Variants in LRGUK observed in about 807,000 individuals in gnomAD.
The protein encoded by LRGUK is leucine-rich repeat and guanylate kinase domain-containing protein.
In LRGUK, 65 loss-of-function variants were observed where a neutral mutation model predicts 76.0. That is an observed-to-expected ratio of 0.85 (90% CI 0.70 to 1.05). LRGUK has a LOEUF of 1.05. LRGUK is among the 50% of genes least tolerant of loss of function. LRGUK has a pLI of 0.00. For missense variants in LRGUK, 758 were observed against 732.8 expected, an observed-to-expected ratio of 1.03 and a Z score of -0.40; for synonymous variants, 268 against 265.6, an observed-to-expected ratio of 1.01 and a Z score of -0.09.
At chr7:134,149,362 G>T (rs1284308266) in intron 5 of LRGUK, among the ~76,000 whole-genome samples, 2 of 152,150 alleles carry the variant, frequency 1.3e-5, no homozygotes, top group Non-Finnish European at 2.9e-5. Flanking sequence ...TGAGGATTTT[G>T]GGAGACAGAA....
At chr7:134,248,974 C>A in exon 18 of LRGUK, 2 of 1,556,898 alleles carry the variant, frequency 1.3e-6, no homozygotes, top group South Asian at 1.3e-5. Context: ...GCACCTCTCA[C>A]CAGTGGTCTA....
chr7:134,244,743 C>T (rs1236472712), intron 16 of LRGUK, among the ~76,000 whole-genome samples: 1 of 152,182 alleles, frequency 6.6e-6, no homozygotes, highest in Non-Finnish European at 1.5e-5. Flanking sequence ...GCTATAAAGA[C>T]ACATGCACAC....
chr7:134,143,499 G>A (rs1797853647), intron 4 of LRGUK, among the ~76,000 whole-genome samples: 1 of 151,636 alleles, frequency 6.6e-6, no homozygotes, highest in Admixed American at 6.6e-5. Context: ...ATATTACTTG[G>A]TACATTTTAT....
chr7:134,251,679 A>T (rs1802450376), intron 18 of LRGUK, among the ~76,000 whole-genome samples: 1 of 152,202 alleles, frequency 6.6e-6, no homozygotes, highest in Non-Finnish European at 1.5e-5. Context: ...TATGCACTAT[A>T]TCTTTATCAC....
intron 12 of LRGUK, among the ~76,000 whole-genome samples, chr7:134,192,956 TCCCACCCC>T (rs1264794510): frequency 6.6e-6 from 1 of 152,178 alleles, no homozygotes; most frequent in Non-Finnish European, 1.5e-5. Context: ...CTTCCTCTGT[TCCCACCCC>T]CCAAATAATG....
At chr7:134,252,124 AG>A (rs1208110220) in intron 18 of LRGUK, among the ~76,000 whole-genome samples, 4 of 151,818 alleles carry the variant, frequency 2.6e-5, no homozygotes, top group Non-Finnish European at 2.9e-5. Flanking sequence ...GGATCATTTG[AG>A]CCCAGGAGTT....
At chr7:134,190,948 T>TTCTGGGGATAGACAGTAGATGAGC (rs1554467160) in intron 11 of LRGUK, among the ~76,000 whole-genome samples, 1 of 41,742 alleles carries the variant, frequency 2.4e-5, no homozygotes, top group Non-Finnish European at 5.9e-5. Context: ...TTGAGCGGTG[T>TTCTGGGGATAGACAGTAGATGAGC]GGTGGGATGG....
At chr7:134,231,584 C>G (rs572641880) in intron 16 of LRGUK, among the ~76,000 whole-genome samples, 1 of 134,288 alleles carries the variant, frequency 7.4e-6, no homozygotes, top group Non-Finnish European at 1.6e-5. Flanking sequence ...CCCGTTCTCC[C>G]TCCCTTCCTC....
At chr7:134,175,393 T>C (rs1799438915) in intron 8 of LRGUK, among the ~76,000 whole-genome samples, 1 of 152,072 alleles carries the variant, frequency 6.6e-6, no homozygotes, top group East Asian at 1.9e-4. Context: ...AAACAGAAAA[T>C]ACAAGAAAGA....
At chr7:134,264,080 AC>A in exon 20 of LRGUK, 1 of 1,140,998 alleles carries the variant, frequency 8.8e-7, no homozygotes, top group African/African-American at 1.6e-5. Context: ...TCAACCCATT[AC>A]CCACGGAAGA....
intron 1 of LRGUK, among the ~76,000 whole-genome samples, chr7:134,134,494 G>A (rs1015496497): frequency 6.6e-6 from 1 of 152,172 alleles, no homozygotes; most frequent in Non-Finnish European, 1.5e-5. Context: ...CAAATGTCAG[G>A]AACATCAGGA....
chr7:134,149,311 C>T (rs1283984759), intron 5 of LRGUK, among the ~76,000 whole-genome samples: 2 of 152,008 alleles, frequency 1.3e-5, no homozygotes, highest in Non-Finnish European at 2.9e-5. Flanking sequence ...AGCAGGGGAG[C>T]CAGTACCTTC....
intron 11 of LRGUK, among the ~76,000 whole-genome samples, chr7:134,190,436 G>C (rs551033270): frequency 1.8e-4 from 27 of 152,326 alleles, no homozygotes; most frequent in African/African-American, 6.0e-4. Context: ...CTGAACTCCT[G>C]GGCTCAAGCA....
At chr7:134,193,200 C>G (rs1277021475) in intron 12 of LRGUK, among the ~76,000 whole-genome samples, 1 of 152,150 alleles carries the variant, frequency 6.6e-6, no homozygotes, top group Admixed American at 6.5e-5. Flanking sequence ...AATTTTCTCT[C>G]CTAGGGCTAT....
intron 7 of LRGUK, among the ~76,000 whole-genome samples, chr7:134,174,165 T>G (rs1275437684): frequency 6.7e-6 from 1 of 148,352 alleles, no homozygotes; most frequent in Non-Finnish European, 1.5e-5. Context: ...AGAAGCAGGA[T>G]TGGGGAAGGA....
At chr7:134,224,436 TA>T in intron 16 of LRGUK, among the ~76,000 whole-genome samples, 1 of 152,202 alleles carries the variant, frequency 6.6e-6, no homozygotes, top group East Asian at 1.9e-4. Context: ...CCATTATCCT[TA>T]GTAAACCGAT....
chr7:134,234,918 C>G (rs562851351), intron 16 of LRGUK, among the ~76,000 whole-genome samples: 1 of 152,296 alleles, frequency 6.6e-6, no homozygotes, highest in African/African-American at 2.4e-5. Context: ...ACTTTGTACT[C>G]TTTTCTCTCC....
chr7:134,148,518 G>A lies in LRGUK; in HGVS notation c.670+199G>A, dbSNP rs578070242. On this transcript the variant is annotated intron_variant, in intron 5 of 15. Coordinates refer to ENST00000645682, the Ensembl canonical transcript of LRGUK. ...TATTTACCAAGAAATGAAACTGTGA[G>A]TCAAAGCTTGTCAAGAGTATCTTAC... 3.3e-5 allele frequency among the ~76,000 whole-genome samples: 5 copies of A among 152,312 alleles called. No homozygotes were observed. The East Asian group carries it at 7.7e-4, about 23-fold the overall frequency.
At chr7:134,224,876 C>G (rs561388072) in intron 16 of LRGUK, among the ~76,000 whole-genome samples, 2 of 152,002 alleles carry the variant, frequency 1.3e-5, no homozygotes, top group African/African-American at 4.8e-5. Context: ...CATGGTGAAA[C>G]CCCGTCTCTA....
Sources: gnomAD v4.1 joint callset for allele counts (sites outside exome capture counted in the v4.1 genomes callset) on GRCh38, gnomAD v4.1.1 for gene constraint, MANE v1.5 for transcripts, NCBI Gene and HGNC (gene_info 2026-07-23, HGNC 2026-07-21) for gene names.